FKBP5: variants seen among roughly 807,000 people sequenced by gnomAD.
FKBP5 encodes peptidyl-prolyl cis-trans isomerase FKBP5.
In FKBP5, 23 loss-of-function variants were observed where a neutral mutation model predicts 50.5. The ratio of observed to expected loss-of-function variants is 0.46; its 90% CI spans 0.33 to 0.65. FKBP5 has a LOEUF of 0.65. FKBP5 is among the 30% of genes least tolerant of loss of function. The pLI, the probability that FKBP5 is intolerant of heterozygous loss-of-function variation, is 0.02. For synonymous variants in FKBP5, 176 were observed against 190.6 expected, an observed-to-expected ratio of 0.92 and a Z score of 0.63; for missense variants, 411 against 553.1, an observed-to-expected ratio of 0.74 and a Z score of 2.58.
At chr6:35,699,516 T>A (rs1256857182) in intron 2 of FKBP5, among the ~76,000 whole-genome samples, 1 of 152,188 alleles carries the variant, frequency 6.6e-6, no homozygotes, top group Non-Finnish European at 1.5e-5. Context: ...TGCTCTTACA[T>A]GTACAATACA....
intron 1 of FKBP5, among the ~76,000 whole-genome samples, chr6:35,671,804 A>G (rs1018013776): frequency 2.0e-5 from 3 of 152,158 alleles, no homozygotes; most frequent in African/African-American, 7.2e-5. Context: ...CAATATATGA[A>G]GGGGCTAAGA....
At chr6:35,714,297 C>G (rs1198664428) in intron 2 of FKBP5, among the ~76,000 whole-genome samples, 1 of 136,734 alleles carries the variant, frequency 7.3e-6, no homozygotes. Flanking sequence ...ACTAAAAATA[C>G]AAAAATTAGC....
chr6:35,596,569 A>T (rs551660576), intron 6 of FKBP5, among the ~76,000 whole-genome samples: 2 of 152,280 alleles, frequency 1.3e-5, no homozygotes, highest in South Asian at 4.1e-4. Context: ...ACTCTCATGC[A>T]GACAAAATCA....
chr6:35,646,792 G>A (rs550589979), intron 1 of FKBP5, among the ~76,000 whole-genome samples: 23 of 152,316 alleles, frequency 1.5e-4, no homozygotes, highest in South Asian at 2.1e-4. Flanking sequence ...AACACAGTTC[G>A]TTCTGTTATG....
chr6:35,663,606 G>A (rs569309398), intron 1 of FKBP5, among the ~76,000 whole-genome samples: 1 of 152,246 alleles, frequency 6.6e-6, no homozygotes, highest in South Asian at 2.1e-4. Flanking sequence ...TCTGGCTACA[G>A]TGGCCTTCTT....
intron 5 of FKBP5, 76 bp from the exon 6 acceptor site, chr6:35,597,480 G>C: frequency 6.8e-7 from 1 of 1,479,040 alleles, no homozygotes. Context: ...ATAAATGAGT[G>C]GTCGACAATG....
At chr6:35,617,273 A>G (rs1763689474) in intron 5 of FKBP5, among the ~76,000 whole-genome samples, 1 of 152,216 alleles carries the variant, frequency 6.6e-6, no homozygotes, top group Admixed American at 6.5e-5. Context: ...TATACTTTAA[A>G]AGAAAGAAAC....
chr6:35,622,980 C>T (rs1013810218), intron 3 of FKBP5, among the ~76,000 whole-genome samples: 13 of 152,222 alleles, frequency 8.5e-5, no homozygotes, highest in Non-Finnish European at 7.3e-5. Context: ...TGGTGGCTCA[C>T]GCCTGTAATC....
At chr6:35,680,828 C>T (rs1765644580) in intron 1 of FKBP5, among the ~76,000 whole-genome samples, 1 of 152,230 alleles carries the variant, frequency 6.6e-6, no homozygotes, top group Non-Finnish European at 1.5e-5. Flanking sequence ...AGGTATACAA[C>T]TCTTTTAACA....
At chr6:35,584,056 C>T in intron 8 of FKBP5, 1 of 985,362 alleles carries the variant, frequency 1.0e-6, no homozygotes, top group Non-Finnish European at 1.2e-6. Context: ...ACTCTGCTGC[C>T]AAGTCAGAAA....
At chr6:35,657,517 G>C (rs953361799) in intron 1 of FKBP5, among the ~76,000 whole-genome samples, 5 of 152,208 alleles carry the variant, frequency 3.3e-5, no homozygotes, top group African/African-American at 1.2e-4. Flanking sequence ...GACTATAGTT[G>C]GGAAAGTTTT....
intron 2 of FKBP5, among the ~76,000 whole-genome samples, chr6:35,701,236 T>TG (rs1240300628): frequency 8.0e-5 from 12 of 149,454 alleles, no homozygotes; most frequent in African/African-American, 2.7e-4. Flanking sequence ...TGTTTTTGTT[T>TG]TTTGTTTTTT....
chr6:35,595,129 T>C (rs1172667455), intron 6 of FKBP5, among the ~76,000 whole-genome samples: 1 of 152,230 alleles, frequency 6.6e-6, no homozygotes, highest in African/African-American at 2.4e-5. Flanking sequence ...TTAGGAGGGT[T>C]AAGTGCCTTG....
intron 8 of FKBP5, chr6:35,581,274 AATAT>A (rs1014641693): frequency 4.6e-6 from 2 of 435,528 alleles, no homozygotes; most frequent in African/African-American, 4.4e-5. Flanking sequence ...AAACATATAT[AATAT>A]ATATATAATA....
At chr6:35,603,665 A>G (rs957173724) in intron 5 of FKBP5, among the ~76,000 whole-genome samples, 38 of 151,946 alleles carry the variant, frequency 2.5e-4, no homozygotes, top group Admixed American at 4.6e-4. Context: ...AACAACAACA[A>G]CAGCAGCAGC....
At chr6:35,710,847 G>A (rs1003596353) in intron 2 of FKBP5, among the ~76,000 whole-genome samples, 1 of 152,134 alleles carries the variant, frequency 6.6e-6, no homozygotes, top group Non-Finnish European at 1.5e-5. Flanking sequence ...GCAAAAACAC[G>A]AACAAATCTT....
At chr6:35,630,307 T>C (rs1280860293) in intron 3 of FKBP5, among the ~76,000 whole-genome samples, 2 of 152,148 alleles carry the variant, frequency 1.3e-5, no homozygotes, top group African/African-American at 2.4e-5. Context: ...ACCAGCACTT[T>C]GGGGGCCAAG....
intron 1 of FKBP5, among the ~76,000 whole-genome samples, chr6:35,648,884 G>A (rs1297587288): frequency 1.3e-5 from 2 of 152,076 alleles, no homozygotes; most frequent in African/African-American, 4.8e-5. Flanking sequence ...TGGAGACGGA[G>A]GTTGCAGTGA....
intron 5 of FKBP5, among the ~76,000 whole-genome samples, chr6:35,609,429 A>G (rs150259966): frequency 6.6e-6 from 1 of 152,340 alleles, no homozygotes; most frequent in East Asian, 1.9e-4. Flanking sequence ...ATTCCTTTGT[A>G]CATAGCTTGT....
Sources: gnomAD v4.1 joint callset for allele counts (sites outside exome capture counted in the v4.1 genomes callset) on GRCh38, gnomAD v4.1.1 for gene constraint, MANE v1.5 for transcripts, NCBI Gene and HGNC (gene_info 2026-07-23, HGNC 2026-07-21) for gene names.